TCN1: variants seen among roughly 807,000 people sequenced by gnomAD.
TCN1 encodes transcobalamin-1.
Under a neutral mutation model 46.3 loss-of-function variants are expected in TCN1, and 47 were observed. The observed-to-expected ratio is 1.01, with a 90% CI of 0.80 to 1.29. The LOEUF is 1.29. Among genes scored for constraint, TCN1 ranks in the 50% most tolerant of loss-of-function variants. TCN1 has a pLI of 0.00. For missense variants in TCN1, 532 were observed against 511.0 expected (o/e 1.04, Z -0.40); for synonymous variants, 183 against 192.5 (o/e 0.95, Z 0.41).
intron 1 of TCN1, among the ~76,000 whole-genome samples, chr11:59,864,677 C>T (rs373870299): frequency 3.3e-5 from 5 of 152,216 alleles, no homozygotes; most frequent in African/African-American, 1.2e-4. Flanking sequence ...CCAGTTTTAG[C>T]CTACAATATG....
Position 59,854,775 on chromosome 11 carries a change from T to C in TCN1, c.998A>G (p.Tyr333Cys), listed in dbSNP as rs764450033. Residue 333 changes from tyrosine to cysteine, a missense_variant, in exon 7 of 9, where the codon TAT (tyrosine) becomes TGT (cysteine). Coordinates refer to ENST00000257264, the MANE Select transcript of TCN1 (RefSeq NM_001062.4). ...ITVTPPDSQS[Y>C]ISVNYSVRIN... ...TCTCACAGAGTAATTGACGGAGATA[T>C]ATGATTGTGAGTCAGGAGGTGTCAC... 1.2e-6 allele frequency: 2 copies of C among 1,614,056 alleles called. No homozygotes were observed. Among genetic ancestry groups the C allele is most frequent in the African/African-American group, 1.3e-5 (1 of 75,034 alleles).
In TCN1 at chr11:59,856,069, AGGGTGGGGTGG is replaced by A; in HGVS notation, c.748-22_748-12del. On this transcript the variant is annotated splice_polypyrimidine_tract_variant and intron_variant, in intron 5 of 8. Transcript: ENST00000257264. ...TGATACAAAGAGGGCCTAATGAGGCAGGGTGGGGTGGGGGGGTGATGAGAGATAAAGAGAGA... is the reference window on the plus strand; with the variant it reads ...TGATACAAAGAGGGCCTAATGAGGCAGGGGGTGATGAGAGATAAAGAGAGA... 2 of 359,438 alleles carry A rather than the reference AGGGTGGGGTGG, an allele frequency of 5.6e-6. No homozygotes were observed. Among genetic ancestry groups the A allele is most frequent in the Non-Finnish European group, 9.7e-6 (2 of 206,022 alleles). 22.3% of individuals were successfully genotyped at this position (359,438 alleles called of 1,614,324 possible).
At chr11:59,863,747 G>A (rs1853042429) in intron 2 of TCN1, among the ~76,000 whole-genome samples, 160 bp downstream of exon 2, 1 of 152,144 alleles carries the variant, frequency 6.6e-6, no homozygotes, top group African/African-American at 2.4e-5. Context: ...TGAATGGCAT[G>A]GGATTGTATT....
chr11:59,864,095 G>C lies in TCN1; in HGVS notation c.80-9C>G, dbSNP rs1282074783. 6.2e-7 allele frequency: 1 copy of C among 1,613,300 alleles called. No individual in the cohort carries two copies. The highest frequency in any genetic ancestry group is 8.5e-7 in the Non-Finnish European group (1 of 1,179,462). On this transcript the variant is annotated splice_polypyrimidine_tract_variant and intron_variant, in intron 1 of 8. Coordinates refer to ENST00000257264, the MANE Select transcript of TCN1 (RefSeq NM_001062.4). ...GTTTTCTTCACTTACCTCTGTGGCA[G>C]AGAAGGAAGGAAATAAGAAACACAT...
intron 6 of TCN1, among the ~76,000 whole-genome samples, chr11:59,855,582 T>C (rs1357573205): frequency 6.6e-6 from 1 of 152,180 alleles, no homozygotes; most frequent in African/African-American, 2.4e-5. Context: ...GATGCTCAGA[T>C]CCTTCTATAT....
At chr11:59,862,515 C>G in intron 3 of TCN1, 67 bp downstream of exon 3, 1 of 1,577,224 alleles carries the variant, frequency 6.3e-7, no homozygotes, top group Non-Finnish European at 8.7e-7. Context: ...AGGGAAACTT[C>G]ATATAGTTTT....
At chr11:59,862,008 A>G (rs1272768828) in intron 3 of TCN1, among the ~76,000 whole-genome samples, 2 of 152,218 alleles carry the variant, frequency 1.3e-5, no homozygotes, top group Non-Finnish European at 2.9e-5. Flanking sequence ...TTTCAATAGT[A>G]AGGTGTTGAA....
chr11:59,864,043 A>G lies in TCN1; in HGVS notation c.123T>C (p.Asn41=), dbSNP rs1252255863. 6.2e-7 allele frequency: 1 copy of G among 1,613,850 alleles called. No individual in the cohort carries two copies. The highest frequency in any genetic ancestry group is 8.5e-7 in the Non-Finnish European group (1 of 1,179,818). ...TGTTATAGTTTGACTGGATCATTGT[A>G]TTCAACAGAGGTTTTAGGCGGATGT... The part of the protein sequence containing the change: ...ENYIRLKPLL[N]TMIQSNYNRG... The change falls in exon 2 of 9, where the codon AAT becomes AAC. Residue 41 remains asparagine, a synonymous_variant. Transcript: ENST00000257264.
chr11:59,859,562 A>C (rs1852995515), intron 4 of TCN1, among the ~76,000 whole-genome samples: 2 of 152,196 alleles, frequency 1.3e-5, no homozygotes, highest in Non-Finnish European at 2.9e-5. Context: ...TACTTAAGGG[A>C]GATGCACCTC....
chr11:59,862,548 G>T, intron 3 of TCN1, 34 bp downstream of exon 3: 8 of 1,609,954 alleles, frequency 5.0e-6, no homozygotes, highest in Non-Finnish European at 6.8e-6. Context: ...GAGAAGACAA[G>T]GTAGTCTAGG....
intron 2 of TCN1, among the ~76,000 whole-genome samples, chr11:59,863,182 T>A (rs963402657): frequency 6.6e-6 from 1 of 152,196 alleles, no homozygotes; most frequent in African/African-American, 2.4e-5. Context: ...GATTCCTCTC[T>A]TCTTTATCCT....
At position 59,852,914 on chromosome 11, in the gene TCN1, A is replaced by G; in HGVS notation, c.*61T>C. 1 of 1,454,304 alleles carries G rather than the reference A, an allele frequency of 6.9e-7. No individual in the cohort carries two copies. The highest frequency in any genetic ancestry group is 9.7e-7 in the Non-Finnish European group (1 of 1,034,344). 90.1% of individuals were successfully genotyped at this position (1,454,304 alleles called of 1,614,324 possible). On this transcript the variant is annotated 3_prime_UTR_variant, in exon 9 of 9. Coordinates refer to ENST00000257264, the MANE Select transcript of TCN1 (RefSeq NM_001062.4). ...GATAAATGAAGAAGAAGGCATAAGG[A>G]CAATAAACATGGAACTCCACTGCAA...
intron 5 of TCN1, 83 bp from the exon 6 acceptor site, chr11:59,856,141 A>C (rs1852932910): frequency 1.1e-5 from 13 of 1,130,448 alleles, no homozygotes; most frequent in Non-Finnish European, 1.7e-5. Context: ...AATAAGGGGG[A>C]AGCCTTATCT....
At chr11:59,853,707 A>G (rs1866692382) in intron 7 of TCN1, among the ~76,000 whole-genome samples, 1 of 152,198 alleles carries the variant, frequency 6.6e-6, no homozygotes, top group Admixed American at 6.5e-5. Flanking sequence ...TGCTAGAGAC[A>G]CCATAAGTTA....
chr11:59,858,437 G>A (rs1167869897), intron 5 of TCN1, among the ~76,000 whole-genome samples: 1 of 152,216 alleles, frequency 6.6e-6, no homozygotes, highest in Non-Finnish European at 1.5e-5. Context: ...GGACTACTGT[G>A]TGTGTGAAAG....
chr11:59,862,678 A>C lies in TCN1; in HGVS notation c.304T>G (p.Leu102Val). Residue 102 changes from leucine to valine, a missense_variant, in exon 3 of 9, where the codon TTG becomes GTG. Coordinates refer to ENST00000257264, the MANE Select transcript of TCN1 (RefSeq NM_001062.4). ...SGELALIILA[L>V]GVCRNAEENL... ...TCCTCAGCGTTACGACATACTCCCA[A>C]AGCCAGTATAATCAAGGCAAGCTCT... 6.2e-7 allele frequency: 1 copy of C among 1,613,824 alleles called. No homozygotes were observed. The highest frequency in any genetic ancestry group is 1.3e-5 in the African/African-American group (1 of 75,026).
chr11:59,859,504 C>T (rs906754748), intron 4 of TCN1, among the ~76,000 whole-genome samples: 1 of 152,188 alleles, frequency 6.6e-6, no homozygotes, highest in Non-Finnish European at 1.5e-5. Flanking sequence ...CCATGTACTC[C>T]ATAGTTCATA....
At chr11:59,857,248 C>A (rs1852954100) in intron 5 of TCN1, among the ~76,000 whole-genome samples, 2 of 152,150 alleles carry the variant, frequency 1.3e-5, no homozygotes, top group Admixed American at 6.5e-5. Flanking sequence ...ACCTGTAGGG[C>A]TTTTAAACCA....
chr11:59,861,099 A>G (rs1275842054), intron 4 of TCN1, among the ~76,000 whole-genome samples: 1 of 152,220 alleles, frequency 6.6e-6, no homozygotes, highest in Admixed American at 6.5e-5. Flanking sequence ...GGTATTGTTC[A>G]AGACTCTCGA....
Sources: allele counts gnomAD v4.1 joint callset (sites outside exome capture counted in the v4.1 genomes callset), GRCh38; gene constraint gnomAD v4.1.1; transcripts MANE v1.5; gene names NCBI Gene and HGNC (gene_info 2026-07-23, HGNC 2026-07-21).